Variants in KIRREL1 observed in about 807,000 individuals in gnomAD.
KIRREL1 encodes the protein kirre like nephrin family adhesion molecule 1, also known as kin of IRRE-like protein 1.
Under a neutral mutation model 83.3 loss-of-function variants are expected in KIRREL1, and 25 were observed. That is an observed-to-expected ratio of 0.30 (90% confidence interval 0.22 to 0.42). The LOEUF is 0.42. Ranked by LOEUF, KIRREL1 falls within the 10% of genes least tolerant of loss-of-function variation. KIRREL1 has a pLI of 1.00. For synonymous variants in KIRREL1, 388 were observed against 410.4 expected, an observed-to-expected ratio of 0.95 and a Z score of 0.66; for missense variants, 812 against 1,032.3, an observed-to-expected ratio of 0.79 and a Z score of 2.92.
intron 3 of KIRREL1, among the ~76,000 whole-genome samples, chr1:158,083,213 C>T (rs1271127526): frequency 6.6e-6 from 1 of 152,240 alleles, no homozygotes; most frequent in Non-Finnish European, 1.5e-5. Context: ...TGGTCACATT[C>T]TAGGCACTGG....
At position 158,067,231 on chromosome 1, in the gene KIRREL1, C is replaced by T. The variant is rs1010704366; in HGVS notation, c.53-8882C>T. Among the ~76,000 whole-genome samples, 115 of 152,174 alleles carry T rather than the reference C, an allele frequency of 7.6e-4. 5 individuals carry two copies. The highest frequency in any genetic ancestry group is 4.4e-5 in the Non-Finnish European group (3 of 68,024). On this transcript the variant is annotated intron_variant, in intron 1 of 14. Transcript: ENST00000359209. ...TGCCTGATCTCTATCCTCCTTGCAC[C>T]ACCATGAGCCCTAATGGAAGGGATG... is the stretch of plus-strand genomic sequence containing the variant.
rs147856297 is a variant in KIRREL1 at position 158,094,906 on chromosome 1, A to G, written c.2060A>G (p.Tyr687Cys). 6.2e-7 allele frequency: 1 copy of G among 1,614,008 alleles called. No homozygotes were observed. Among genetic ancestry groups the G allele is most frequent in the Admixed American group, 1.7e-5 (1 of 60,010 alleles). ...DTTSQLSYEN[Y>C]EKFNSHPFPG... Reference sequence around the variant, plus strand: ...ACCAGCCAGCTGTCCTACGAGAACTATGAGAAGTTCAACTCCCATCCCTTC... The same window carrying G: ...ACCAGCCAGCTGTCCTACGAGAACTGTGAGAAGTTCAACTCCCATCCCTTC... The change falls in exon 15 of 15, where the codon TAT becomes TGT. Residue 687 changes from tyrosine to cysteine, a missense_variant. Coordinates refer to ENST00000359209, the MANE Select transcript of KIRREL1 (RefSeq NM_018240.7). The surrounding 1 kb of genome is among the most constrained non-coding windows in gnomAD (Gnocchi z 4.6).
chr1:158,049,339 G>A (rs1570950700), intron 1 of KIRREL1, among the ~76,000 whole-genome samples: 1 of 152,320 alleles, frequency 6.6e-6, no homozygotes, highest in East Asian at 1.9e-4. Flanking sequence ...GTTTAAGGGA[G>A]GTTCTGGGGC....
At chr1:158,062,125 T>C (rs1286679371) in intron 1 of KIRREL1, among the ~76,000 whole-genome samples, 2 of 152,166 alleles carry the variant, frequency 1.3e-5, no homozygotes, top group African/African-American at 2.4e-5. Context: ...ACCAATATCC[T>C]GTAAATTTCT....
intron 10 of KIRREL1, 31 bp from the exon 11 acceptor site, chr1:158,091,323 CCTTT>C (rs765441342): frequency 3.3e-5 from 52 of 1,598,074 alleles, no homozygotes; most frequent in Non-Finnish European, 4.2e-5. Flanking sequence ...GCCCCCTGCC[CCTTT>C]CTTACCTTCT....
intron 1 of KIRREL1, among the ~76,000 whole-genome samples, chr1:157,994,062 C>T (rs1366757265): frequency 6.6e-6 from 1 of 152,230 alleles, no homozygotes; most frequent in Non-Finnish European, 1.5e-5. Flanking sequence ...TACCGACCCT[C>T]GCCCTCTGAG....
intron 1 of KIRREL1, among the ~76,000 whole-genome samples, chr1:157,994,808 C>T (rs572720621): frequency 2.0e-5 from 3 of 152,138 alleles, no homozygotes; most frequent in African/African-American, 7.2e-5. Flanking sequence ...ACAAACATCC[C>T]CCACACTGAG....
At chr1:158,064,374 CT>C (rs961163616) in intron 1 of KIRREL1, among the ~76,000 whole-genome samples, 5 of 152,230 alleles carry the variant, frequency 3.3e-5, no homozygotes, top group African/African-American at 1.2e-4. Context: ...TCAGATGGCC[CT>C]GTTTAAAGAA....
intron 3 of KIRREL1, among the ~76,000 whole-genome samples, chr1:158,082,241 A>G (rs1484479312): frequency 1.3e-5 from 2 of 152,146 alleles, no homozygotes; most frequent in Admixed American, 6.5e-5. Context: ...TGCCCTGCAC[A>G]TCATAGTCTA....
At chr1:158,052,816 C>G (rs1023376284) in intron 1 of KIRREL1, among the ~76,000 whole-genome samples, 4 of 151,984 alleles carry the variant, frequency 2.6e-5, no homozygotes, top group Admixed American at 2.0e-4. Context: ...TTATTTGGCT[C>G]ACGGTTCTGC....
chr1:158,066,201 C>G (rs962296959), intron 1 of KIRREL1, among the ~76,000 whole-genome samples: 2 of 151,558 alleles, frequency 1.3e-5, no homozygotes, highest in African/African-American at 4.8e-5. Flanking sequence ...ATCCCTCCCT[C>G]CCTCCCTGAC....
chr1:158,078,493 C>G (rs1156925586), intron 3 of KIRREL1, among the ~76,000 whole-genome samples: 1 of 152,190 alleles, frequency 6.6e-6, no homozygotes. Flanking sequence ...GCTGTCCTGG[C>G]TGGCAGGCTT....
At chr1:158,035,720 G>C (rs1393604996) in intron 1 of KIRREL1, among the ~76,000 whole-genome samples, 1 of 152,050 alleles carries the variant, frequency 6.6e-6, no homozygotes, top group African/African-American at 2.4e-5. Flanking sequence ...ATGATCTGTC[G>C]GGGCTTTAAA....
intron 1 of KIRREL1, among the ~76,000 whole-genome samples, chr1:158,002,096 T>C (rs548950687): frequency 1.3e-5 from 2 of 152,266 alleles, no homozygotes; most frequent in African/African-American, 4.8e-5. Context: ...AAATACCAGC[T>C]CTGCCTTGGG....
intron 3 of KIRREL1, among the ~76,000 whole-genome samples, chr1:158,078,853 G>A (rs929132038): frequency 6.6e-6 from 1 of 152,178 alleles, no homozygotes; most frequent in Admixed American, 6.5e-5. Flanking sequence ...CCGAGCAGAT[G>A]TCCCTCTATG....
intron 1 of KIRREL1, among the ~76,000 whole-genome samples, chr1:158,042,968 G>A (rs910293017): frequency 1.3e-5 from 2 of 150,816 alleles, no homozygotes. Flanking sequence ...GGCACCTGTA[G>A]TCCCAGCTAC....
At chr1:158,086,338 GC>G in intron 4 of KIRREL1, among the ~76,000 whole-genome samples, 1 of 151,996 alleles carries the variant, frequency 6.6e-6, no homozygotes, top group Non-Finnish European at 1.5e-5. Context: ...TTGAGTCCAA[GC>G]TTTGGAGGCC....
At position 158,088,412 on chromosome 1, in the gene KIRREL1, T is replaced by TC; in HGVS notation, c.1009dup (p.Leu337ProfsTer16). The TC allele has an allele frequency of 6.3e-7, 1 of 1,593,764 alleles. No homozygotes were observed. The highest frequency in any genetic ancestry group is 8.6e-7 in the Non-Finnish European group (1 of 1,169,574). On this transcript the variant is annotated frameshift_variant, in exon 8 of 15. Coordinates refer to ENST00000359209, the MANE Select transcript of KIRREL1 (RefSeq NM_018240.7). LOFTEE classifies it high-confidence loss of function. The stretch of plus-strand genomic sequence containing the variant: ...CCCTTACCTGTGTCTGGGTTGGGAA[T>TC]CCCCCCCTCACTCTCACCTGGACCA...
rs1461494414 is a variant in KIRREL1 at position 158,075,764 on chromosome 1, C to A, written c.53-349C>A. ...ATCCCAGCTCTGCCATTAACTTGCC[C>A]TTGAGTAAGTTACTGTCCTCCCTGG... is the stretch of plus-strand genomic sequence containing the variant. On this transcript the variant is annotated intron_variant, in intron 1 of 14. Transcript: ENST00000359209. 2.6e-5 allele frequency among the ~76,000 whole-genome samples: 4 copies of A among 152,286 alleles called. No individual in the cohort carries two copies. In the East Asian group the frequency reaches 7.7e-4, roughly 29 times the overall value.
Sources: allele counts gnomAD v4.1 joint callset (sites outside exome capture counted in the v4.1 genomes callset), GRCh38; gene constraint gnomAD v4.1.1; non-coding constraint Gnocchi (gnomAD v3.1); transcripts MANE v1.5; gene names NCBI Gene and HGNC (gene_info 2026-07-23, HGNC 2026-07-21).